Variants in ARID2 observed in about 807,000 individuals in gnomAD.
ARID2 encodes the protein AT-rich interactive domain-containing protein 2.
Under a neutral mutation model 184.6 loss-of-function variants are expected in ARID2, and 32 were observed. The observed-to-expected ratio is 0.17, with a 90% CI of 0.13 to 0.23. The LOEUF (loss-of-function observed/expected upper bound fraction) is 0.23, where lower values mean the gene tolerates loss of function less well. Ranked by LOEUF, ARID2 falls within the 10% of genes least tolerant of loss-of-function variation. The pLI, the probability that ARID2 is intolerant of heterozygous loss-of-function variation, is 1.00. For synonymous variants in ARID2, 836 were observed against 772.6 expected (o/e 1.08, Z -1.36); for missense variants, 1,696 against 2,197.6 (o/e 0.77, Z 4.56).
chr12:45,745,841 G>A (rs754003609), intron 3 of ARID2, among the ~76,000 whole-genome samples: 2 of 152,014 alleles, frequency 1.3e-5, no homozygotes, highest in Non-Finnish European at 2.9e-5. Flanking sequence ...GAGCCACTGC[G>A]CCTGGCCTGG....
intron 3 of ARID2, among the ~76,000 whole-genome samples, chr12:45,803,507 A>G (rs1302495432): frequency 6.6e-6 from 1 of 152,210 alleles, no homozygotes; most frequent in African/African-American, 2.4e-5. Context: ...CAAATTCTGG[A>G]TACTTAGTTG....
chr12:45,852,621 T>C lies in ARID2; in HGVS notation c.4498T>C (p.Ser1500Pro), dbSNP rs2138180156. The change falls in exon 15 of 21, where the codon TCA becomes CCA. Residue 1500 changes from serine (S) to proline (P), a missense_variant. Ser to Pro is a moderately conservative substitution (Grantham distance 74). Around this residue, in one of 11 missense-constraint regions of ARID2, gnomAD observed 428 missense variants for 409.1 expected, o/e 1.05. Coordinates refer to ENST00000334344, the MANE Select transcript of ARID2 (RefSeq NM_152641.4). Reference sequence around the variant, plus strand: ...AAAAGTATCCCATTCTCCTGCCCTATCATCTGACGTTCGGTCTACAAATGG... The same window carrying C: ...AAAAGTATCCCATTCTCCTGCCCTACCATCTGACGTTCGGTCTACAAATGG... The part of the protein sequence containing the change: ...GSKVSHSPAL[S>P]SDVRSTNGTA... 6.2e-7 allele frequency: 1 copy of C among 1,614,156 alleles called. No homozygotes were observed. The highest frequency in any genetic ancestry group is 8.5e-7 in the Non-Finnish European group (1 of 1,180,006).
intron 5 of ARID2, among the ~76,000 whole-genome samples, chr12:45,820,838 A>G (rs1226640695): frequency 6.6e-6 from 1 of 152,156 alleles, no homozygotes; most frequent in African/African-American, 2.4e-5. Context: ...GAGCGTTATT[A>G]AGAAGAAGCT....
intron 3 of ARID2, among the ~76,000 whole-genome samples, chr12:45,757,951 A>G (rs564680380): frequency 3.3e-5 from 5 of 152,314 alleles, no homozygotes; most frequent in South Asian, 2.1e-4. Flanking sequence ...TTGCTGTCCA[A>G]TATTTTCTAA....
Position 45,905,015 on chromosome 12 carries a change from T to C in ARID2, c.5445T>C (p.Leu1815=), listed in dbSNP as rs1314801731. 3 of 1,613,892 alleles carry C rather than the reference T, an allele frequency of 1.9e-6. No homozygotes were observed. Among genetic ancestry groups the C allele is most frequent in the Non-Finnish European group, 2.5e-6 (3 of 1,179,984 alleles). Residue 1815 remains leucine, a synonymous_variant, in exon 21 of 21, where the codon CTT becomes CTC. Transcript: ENST00000334344. ...MEASSTLAKC[L]YELNFTVQSK... ...CTTCCTCCACCCTTGCCAAATGCCT[T>C]TATGAACTTAATTTTACAGTTCAGA...
intron 3 of ARID2, among the ~76,000 whole-genome samples, chr12:45,792,563 C>T (rs141322844): frequency 1.1e-3 from 165 of 152,212 alleles, no homozygotes; most frequent in African/African-American, 3.8e-3. Flanking sequence ...ACAGATAAAG[C>T]TGTATCCTTA....
intron 16 of ARID2, chr12:45,874,027 A>G (rs1462021850): frequency 1.3e-5 from 2 of 152,346 alleles, no homozygotes; most frequent in Middle Eastern, 3.4e-3. Context: ...ACTTCTTTCA[A>G]AATTGGAATC....
intron 11 of ARID2, among the ~76,000 whole-genome samples, chr12:45,846,282 A>C (rs1943438452): frequency 6.6e-6 from 1 of 152,104 alleles, no homozygotes; most frequent in Non-Finnish European, 1.5e-5. Flanking sequence ...CCTTTTTTGA[A>C]TATGGGACTT....
intron 16 of ARID2, among the ~76,000 whole-genome samples, chr12:45,867,366 G>T (rs929939190): frequency 1.3e-5 from 2 of 151,966 alleles, no homozygotes; most frequent in African/African-American, 2.4e-5. Flanking sequence ...GATCCCTCCC[G>T]CCTCAGCCTC....
intron 3 of ARID2, among the ~76,000 whole-genome samples, chr12:45,772,775 G>A (rs962118151): frequency 6.6e-6 from 1 of 152,054 alleles, no homozygotes. Flanking sequence ...ACTGATAAAG[G>A]GAGAAAGAGG....
At chr12:45,805,002 C>A (rs1238937417) in intron 3 of ARID2, among the ~76,000 whole-genome samples, 1 of 151,848 alleles carries the variant, frequency 6.6e-6, no homozygotes, top group African/African-American at 2.4e-5. Context: ...TGTATGGGTC[C>A]ATTTCAGTTT....
At chr12:45,830,254 A>C (rs1431677337) in intron 6 of ARID2, among the ~76,000 whole-genome samples, 1 of 152,084 alleles carries the variant, frequency 6.6e-6, no homozygotes, top group Non-Finnish European at 1.5e-5. Context: ...GTTTTTGTAC[A>C]GATTGGATTG....
chr12:45,867,388 G>C (rs888483480), intron 16 of ARID2, among the ~76,000 whole-genome samples: 5 of 151,988 alleles, frequency 3.3e-5, no homozygotes, highest in Non-Finnish European at 7.4e-5. Flanking sequence ...TGAGTAGCTA[G>C]GACTACAGAT....
At chr12:45,801,198 G>C (rs1375599657) in intron 3 of ARID2, among the ~76,000 whole-genome samples, 1 of 152,008 alleles carries the variant, frequency 6.6e-6, no homozygotes, top group Non-Finnish European at 1.5e-5. Context: ...CGTAGTCGCA[G>C]CTACTTGGTA....
At chr12:45,884,275 AATCT>A (rs1174219121) in intron 16 of ARID2, among the ~76,000 whole-genome samples, 3 of 152,126 alleles carry the variant, frequency 2.0e-5, no homozygotes, top group African/African-American at 7.2e-5. Context: ...AGGTGCCTGT[AATCT>A]CAGCTACTTG....
chr12:45,824,486 A>G (rs911875658), intron 6 of ARID2, among the ~76,000 whole-genome samples: 5 of 152,106 alleles, frequency 3.3e-5, no homozygotes, highest in African/African-American at 1.2e-4. Context: ...CATTTCTTAA[A>G]AAAAAGACTT....
At chr12:45,799,522 T>C (rs1212700447) in intron 3 of ARID2, among the ~76,000 whole-genome samples, 3 of 152,110 alleles carry the variant, frequency 2.0e-5, no homozygotes, top group Non-Finnish European at 4.4e-5. Context: ...TGGGTCAGTG[T>C]AATATGTAAA....
chr12:45,855,665 A>G (rs970172159), intron 15 of ARID2, among the ~76,000 whole-genome samples: 4 of 152,212 alleles, frequency 2.6e-5, no homozygotes, highest in Admixed American at 6.5e-5. Flanking sequence ...TCTGAAAAGC[A>G]TGCTAATTAA....
At chr12:45,746,563 T>C (rs1941359523) in intron 3 of ARID2, among the ~76,000 whole-genome samples, 1 of 152,238 alleles carries the variant, frequency 6.6e-6, no homozygotes, top group Middle Eastern at 3.2e-3. Flanking sequence ...TGTTGAATCT[T>C]TTAAAAAGCA....
Sources: gnomAD v4.1 joint callset for allele counts (sites outside exome capture counted in the v4.1 genomes callset) on GRCh38, gnomAD v4.1.1 for gene constraint, gnomAD v4.1.1 regional missense constraint, MANE v1.5 for transcripts, NCBI Gene and HGNC (gene_info 2026-07-23, HGNC 2026-07-21) for gene names.